CNKSR2: variants seen among roughly 807,000 people sequenced by gnomAD.
CNKSR2 encodes the protein CNK homolog protein 2.
A neutral mutation model predicts 84.4 loss-of-function variants in CNKSR2; 14 were observed. That is an observed-to-expected ratio of 0.17 (90% confidence interval 0.11 to 0.26). The LOEUF is 0.26. Ranked by LOEUF, CNKSR2 falls within the 10% of genes least tolerant of loss-of-function variation. The pLI is 1.00. For synonymous variants in CNKSR2, 275 were observed against 277.9 expected (o/e 0.99, Z 0.10); for missense variants, 485 against 771.2 (o/e 0.63, Z 4.40).
intron 11 of CNKSR2, 109 bp from the exon 12 acceptor site, chrX:21,561,362 T>C (rs2092187234): frequency 1.5e-5 from 9 of 593,650 alleles, no homozygotes; most frequent in Non-Finnish European, 2.5e-5. Flanking sequence ...AACCATAATG[T>C]TGCATAAGAG....
At chrX:21,635,394 G>A (rs1182328456) in intron 20 of CNKSR2, among the ~76,000 whole-genome samples, 13 of 104,904 alleles carry the variant, frequency 1.2e-4, no homozygotes, top group Non-Finnish European at 1.9e-4. Context: ...GTGTGTGTGT[G>A]TGTGTGTGTG....
intron 20 of CNKSR2, among the ~76,000 whole-genome samples, chrX:21,609,842 C>G (rs2092540912): frequency 9.0e-6 from 1 of 111,474 alleles, no homozygotes; most frequent in Admixed American, 9.5e-5. Flanking sequence ...ACAGCTGGAG[C>G]AAATAATTTT....
chrX:21,497,507 A>G (rs781465429), intron 6 of CNKSR2, among the ~76,000 whole-genome samples: 5 of 111,509 alleles, frequency 4.5e-5, no homozygotes, highest in African/African-American at 1.6e-4. Flanking sequence ...TCTTAGGAAT[A>G]TTGAATTACC....
At chrX:21,557,342 C>G in intron 11 of CNKSR2, among the ~76,000 whole-genome samples, 1 of 110,693 alleles carries the variant, frequency 9.0e-6, no homozygotes, top group Non-Finnish European at 1.9e-5. Flanking sequence ...GAATATAGTC[C>G]ATAATTCTTA....
chrX:21,565,216 A>G (rs1057156932), intron 13 of CNKSR2, among the ~76,000 whole-genome samples: 19 of 111,737 alleles, frequency 1.7e-4, no homozygotes, highest in African/African-American at 4.9e-4. Flanking sequence ...CATTGAAGGC[A>G]CATTTAAATA....
chrX:21,435,620 A>G (rs764564018), intron 3 of CNKSR2, among the ~76,000 whole-genome samples: 108 of 111,834 alleles, frequency 9.7e-4, no homozygotes, highest in Non-Finnish European at 1.8e-3. Flanking sequence ...TTTATTTTCA[A>G]TGCATGGTTT....
At chrX:21,422,478 C>A (rs1398718219) in intron 1 of CNKSR2, among the ~76,000 whole-genome samples, 2 of 111,995 alleles carry the variant, frequency 1.8e-5, no homozygotes, top group East Asian at 5.6e-4. Flanking sequence ...TTATTTTCTC[C>A]CTGGAATTAT....
intron 13 of CNKSR2, among the ~76,000 whole-genome samples, chrX:21,574,367 C>A (rs2039957624): frequency 8.9e-6 from 1 of 111,761 alleles, no homozygotes. Flanking sequence ...TGTATTAGTT[C>A]ATTCTCACAC....
chrX:21,484,470 C>A (rs2091358536), intron 5 of CNKSR2, among the ~76,000 whole-genome samples: 1 of 111,757 alleles, frequency 8.9e-6, no homozygotes, highest in Admixed American at 9.5e-5. Flanking sequence ...ATTGTTTAAA[C>A]TGTATTTAAA....
intron 13 of CNKSR2, among the ~76,000 whole-genome samples, chrX:21,580,907 A>C (rs770685313): frequency 8.9e-6 from 1 of 111,742 alleles, no homozygotes; most frequent in African/African-American, 3.3e-5. Context: ...GTTTCTGTCA[A>C]ACAGAAGTGT....
At chrX:21,537,883 G>T (rs2091943919) in intron 11 of CNKSR2, 1 of 108,179 alleles carries the variant, frequency 9.2e-6, no homozygotes. Context: ...TGATAGGTGA[G>T]GAATTACTCC....
chrX:21,394,165 G>C (rs2090089197), intron 1 of CNKSR2, among the ~76,000 whole-genome samples: 1 of 111,479 alleles, frequency 9.0e-6, no homozygotes, highest in Non-Finnish European at 1.9e-5. Flanking sequence ...ATATAGTCCA[G>C]GCAGAAATGG....
intron 20 of CNKSR2, among the ~76,000 whole-genome samples, chrX:21,648,448 TATA>T (rs1325176736): frequency 8.9e-6 from 1 of 112,094 alleles, no homozygotes; most frequent in Admixed American, 9.5e-5. Context: ...TGTTTTAAAA[TATA>T]ATGTGCAGGA....
At chrX:21,380,885 A>G (rs767629921) in intron 1 of CNKSR2, among the ~76,000 whole-genome samples, 1 of 112,382 alleles carries the variant, frequency 8.9e-6, no homozygotes, top group Non-Finnish European at 1.9e-5. Context: ...CTAATTTTAA[A>G]AAAGGTTGGG....
intron 9 of CNKSR2, among the ~76,000 whole-genome samples, chrX:21,523,918 T>G (rs750334841): frequency 1.8e-5 from 2 of 110,939 alleles, no homozygotes; most frequent in African/African-American, 6.5e-5. Context: ...TTGTCCAAAG[T>G]TAGAAAATTT....
chrX:21,468,225 C>G (rs907147803), intron 4 of CNKSR2, among the ~76,000 whole-genome samples: 1 of 110,187 alleles, frequency 9.1e-6, no homozygotes, highest in African/African-American at 3.3e-5. Context: ...TTTGCTGAAT[C>G]AAGGGGAAAA....
In CNKSR2 at chrX:21,652,591, T is replaced by C; in HGVS notation, c.*70T>C. The C allele has an allele frequency of 2.5e-6, 2 of 815,691 alleles. No homozygotes were observed. Among genetic ancestry groups the C allele is most frequent in the South Asian group, 4.7e-5 (2 of 42,264 alleles). 67.2% of individuals were successfully genotyped at this position (815,691 alleles called of 1,213,427 possible). On this transcript the variant is annotated 3_prime_UTR_variant, in exon 22 of 22. Coordinates refer to ENST00000379510, the MANE Select transcript of CNKSR2 (RefSeq NM_014927.5). ...ACAAGTATATAAGGTAGTTTTTATA[T>C]CAATGTGTGGAACACTTGACAAGCT...
chrX:21,530,120 A>G (rs1425843694), intron 10 of CNKSR2, among the ~76,000 whole-genome samples: 1 of 111,422 alleles, frequency 9.0e-6, no homozygotes, highest in East Asian at 2.8e-4. Context: ...TGTTCAGGAA[A>G]AGTTTTCAGC....
At chrX:21,468,089 G>T (rs1220383678) in intron 4 of CNKSR2, among the ~76,000 whole-genome samples, 2 of 110,542 alleles carry the variant, frequency 1.8e-5, no homozygotes, top group African/African-American at 6.6e-5. Flanking sequence ...ACTTAAAACA[G>T]CATGAATACT....
Sources: gnomAD v4.1 joint callset for allele counts (sites outside exome capture counted in the v4.1 genomes callset) on GRCh38, gnomAD v4.1.1 for gene constraint, MANE v1.5 for transcripts, NCBI Gene and HGNC (gene_info 2026-07-23, HGNC 2026-07-21) for gene names.